Variants in PRKAR1A observed in about 807,000 individuals in gnomAD.
PRKAR1A encodes the protein cAMP-dependent protein kinase type I-alpha regulatory subunit.
PRKAR1A carries 3 observed loss-of-function variants against 52.0 expected under a neutral mutation model. That is an observed-to-expected ratio of 0.06 (90% CI 0.03 to 0.15). PRKAR1A has a LOEUF of 0.15. Ranked by LOEUF, PRKAR1A falls within the 10% of genes least tolerant of loss-of-function variation. PRKAR1A has a pLI of 1.00. For missense variants in PRKAR1A, 240 were observed against 477.4 expected, an observed-to-expected ratio of 0.50 and a Z score of 4.63; for synonymous variants, 188 against 168.4, an observed-to-expected ratio of 1.12 and a Z score of -0.90.
intron 3 of PRKAR1A, 148 bp from the exon 4 acceptor site, chr17:68,523,577 G>GAT: frequency 1.5e-6 from 1 of 680,398 alleles, no homozygotes; most frequent in Non-Finnish European, 2.7e-6. Flanking sequence ...ATGGATCAAA[G>GAT]ATAGTACAAG....
Position 68,530,852 on chromosome 17 carries a change from T to C in PRKAR1A, c.*403T>C. 1 of 1,172,314 alleles carries C rather than the reference T, an allele frequency of 8.5e-7. No homozygotes were observed. Among genetic ancestry groups the C allele is most frequent in the East Asian group, 3.8e-5 (1 of 26,272 alleles). The allele number at this position is 1,172,314 out of a possible 1,614,324, so 72.6% of individuals were successfully genotyped here. A position where few individuals can be genotyped will look rare whatever the true frequency, so the allele number is the denominator to read the frequency against. On this transcript the variant is annotated 3_prime_UTR_variant, in exon 11 of 11. Transcript: ENST00000589228. ...TATAAGCGTATTTAGACTGTGGCCA[T>C]ATATGCTGTATTTCTTTGTAGAATA...
At chr17:68,423,512 A>C in the PRKAR1A span, among the ~76,000 whole-genome samples, 1 of 152,204 alleles carries the variant, frequency 6.6e-6, no homozygotes, top group Admixed American at 6.5e-5. The surrounding 1 kb of genome is among the most constrained non-coding windows in gnomAD (Gnocchi z 4.4). Flanking sequence ...CAAGGGTCTA[A>C]CACCTGTTCT....
chr17:68,524,809 C>T (rs997473970), intron 5 of PRKAR1A, 103 bp from the exon 6 acceptor site: 6 of 883,768 alleles, frequency 6.8e-6, no homozygotes, highest in Non-Finnish European at 7.6e-6. Flanking sequence ...TTGTAACACA[C>T]TCTCACAGTA....
At chr17:68,489,245 ATATATATATATATATG>A in the PRKAR1A span, among the ~76,000 whole-genome samples, 1 of 44,698 alleles carries the variant, frequency 2.2e-5, no homozygotes, top group Non-Finnish European at 3.8e-5. Context: ...GTATATATAT[ATATATATATATATATG>A]GAAAGTATAT....
chr17:68,460,447 A>G, the PRKAR1A span, among the ~76,000 whole-genome samples: 6 of 152,238 alleles, frequency 3.9e-5, no homozygotes, highest in Middle Eastern at 3.2e-3. Context: ...GCAGAACTGC[A>G]TGCTTACTGG....
downstream of PRKAR1A, among the ~76,000 whole-genome samples, chr17:68,538,121 T>C (rs995383500): frequency 6.6e-6 from 1 of 152,250 alleles, no homozygotes; most frequent in African/African-American, 2.4e-5. Flanking sequence ...AGCTATTTGC[T>C]GTCTCAAAAT....
intron 7 of PRKAR1A, 143 bp downstream of exon 7, chr17:68,526,055 A>T: frequency 3.6e-6 from 4 of 1,104,678 alleles, no homozygotes; most frequent in Non-Finnish European, 5.2e-6. Flanking sequence ...TTTTCTTTTA[A>T]TGAGCAAATA....
the PRKAR1A span, chr17:68,436,387 A>C: frequency 6.2e-7 from 1 of 1,613,702 alleles, no homozygotes; most frequent in African/African-American, 1.3e-5. Context: ...CTTACCAGGG[A>C]GTTTCCATCA....
At chr17:68,548,336 C>T (rs561739124) in intron 11 of PRKAR1A, among the ~76,000 whole-genome samples, 57 of 152,230 alleles carry the variant, frequency 3.7e-4, no homozygotes, top group Non-Finnish European at 3.1e-4. Context: ...TCGAGACCAG[C>T]CTGGCCAACA....
At chr17:68,421,593 A>G in the PRKAR1A span, 1 of 760,738 alleles carries the variant, frequency 1.3e-6, no homozygotes, top group Non-Finnish European at 2.2e-6. Flanking sequence ...CCCATTGGCA[A>G]CCAGGGTCGT....
chr17:68,485,986 G>T, the PRKAR1A span, among the ~76,000 whole-genome samples: 2 of 152,212 alleles, frequency 1.3e-5, no homozygotes, highest in African/African-American at 4.8e-5. Context: ...TGATCTGCCC[G>T]CCTCAGCCTC....
At chr17:68,499,445 G>T in the PRKAR1A span, among the ~76,000 whole-genome samples, 1 of 151,190 alleles carries the variant, frequency 6.6e-6, no homozygotes, top group South Asian at 2.1e-4. Context: ...AGCAACAAGG[G>T]ATGAGAAAAT....
Position 68,522,876 on chromosome 17 carries a change from A to G in PRKAR1A, c.298A>G (p.Ile100Val), listed in dbSNP as rs2143274419. The change falls in exon 3 of 11, where the codon ATC (isoleucine) becomes GTC (valine). Residue 100 changes from isoleucine to valine, a missense_variant. Around this residue, in one of 4 missense-constraint regions of PRKAR1A, gnomAD observed 107 missense variants for 290.9 expected, o/e 0.37. Coordinates refer to ENST00000589228, the MANE Select transcript of PRKAR1A (RefSeq NM_002734.5). The part of the protein sequence containing the change: ...VVKGRRRRGA[I>V]SAEVYTEEDA... ...TAAAGGTAGGAGGCGACGAGGTGCT[A>G]TCAGCGCTGAGGTCTACACGGAGGA... 1 of 1,613,534 alleles carries G rather than the reference A, an allele frequency of 6.2e-7. No individual in the cohort carries two copies. Among genetic ancestry groups the G allele is most frequent in the Non-Finnish European group, 8.5e-7 (1 of 1,179,768 alleles).
chr17:68,427,183 C>A, the PRKAR1A span: 1 of 1,614,058 alleles, frequency 6.2e-7, no homozygotes, highest in Non-Finnish European at 8.5e-7. Context: ...ACGGTCGCTG[C>A]ATAAGACTGA....
intron 2 of PRKAR1A, among the ~76,000 whole-genome samples, chr17:68,517,306 G>T (rs370045527): frequency 3.4e-4 from 52 of 152,258 alleles, no homozygotes; most frequent in African/African-American, 1.2e-3. Flanking sequence ...ATAGTTCTGT[G>T]TATTAGGTGT....
intron 2 of PRKAR1A, among the ~76,000 whole-genome samples, chr17:68,518,573 C>T (rs2085503900): frequency 6.6e-6 from 1 of 152,214 alleles, no homozygotes; most frequent in African/African-American, 2.4e-5. Context: ...GTACCATGTC[C>T]TGAGGCTGCA....
chr17:68,489,770 G>T, the PRKAR1A span, among the ~76,000 whole-genome samples: 1 of 151,660 alleles, frequency 6.6e-6, no homozygotes, highest in East Asian at 1.9e-4. Context: ...TGGCCAGCCC[G>T]GTCTCGAACT....
intron 9 of PRKAR1A, among the ~76,000 whole-genome samples, chr17:68,529,626 T>C (rs1372957112): frequency 6.6e-6 from 1 of 152,216 alleles, no homozygotes; most frequent in Non-Finnish European, 1.5e-5. Context: ...ATGTATGTGG[T>C]ATTTCAGTAA....
chr17:68,531,561 T>G lies in PRKAR1A; in HGVS notation c.*1112T>G, dbSNP rs1220813932. ...AGAAGTTTTTTACTTTGGTTTAGTC[T>G]TTTTTTCCTTCCTTTTTATTCAGCT... On this transcript the variant is annotated 3_prime_UTR_variant, in exon 11 of 11. Coordinates refer to ENST00000589228, the MANE Select transcript of PRKAR1A (RefSeq NM_002734.5). 1 of 1,065,144 alleles carries G rather than the reference T, an allele frequency of 9.4e-7. No homozygotes were observed. The highest frequency in any genetic ancestry group is 1.6e-5 in the African/African-American group (1 of 60,982). 66.0% of individuals were successfully genotyped at this position (1,065,144 alleles called of 1,614,324 possible).
Sources: allele counts gnomAD v4.1 joint callset (sites outside exome capture counted in the v4.1 genomes callset), GRCh38; gene constraint gnomAD v4.1.1; regional missense constraint gnomAD v4.1.1; non-coding constraint Gnocchi (gnomAD v3.1); transcripts MANE v1.5; gene names NCBI Gene and HGNC (gene_info 2026-07-23, HGNC 2026-07-21).